Variants in OSBPL3 observed in about 807,000 individuals in gnomAD.
OSBPL3 encodes the protein oxysterol-binding protein-related protein 3.
Under a neutral mutation model 120.1 loss-of-function variants are expected in OSBPL3, and 65 were observed. The ratio of observed to expected loss-of-function variants is 0.54; its 90% CI spans 0.44 to 0.67. The LOEUF is 0.67. Ranked by LOEUF, OSBPL3 falls within the 30% of genes least tolerant of loss-of-function variation. The probability of loss-of-function intolerance (pLI) is 0.00; values close to 1 mark genes in which losing one functional copy is unlikely to be tolerated. For synonymous variants in OSBPL3, 416 were observed against 402.6 expected, an observed-to-expected ratio of 1.03 and a Z score of -0.40; for missense variants, 1,004 against 1,082.1, an observed-to-expected ratio of 0.93 and a Z score of 1.01.
At position 24,830,741 on chromosome 7, in the gene OSBPL3, A is replaced by T. The variant is rs1584280570; in HGVS notation, c.1884+27T>A. On this transcript the variant is annotated intron_variant, in intron 16 of 22. Coordinates refer to ENST00000313367, the MANE Select transcript of OSBPL3 (RefSeq NM_015550.4). The surrounding 1 kb of genome is among the most constrained non-coding windows in gnomAD (Gnocchi z 4.4). The stretch of plus-strand genomic sequence containing the variant: ...ATGGGAGACATAAGCAACCCCTCCC[A>T]ACAAGCAAAAAATGGTGTACATCTA... 4.4e-6 allele frequency: 7 copies of T among 1,586,960 alleles called. 1 individual carries two copies. In the Admixed American group the frequency reaches 1.3e-4, roughly 30 times the overall value.
Position 24,822,302 on chromosome 7 carries a change from T to C in OSBPL3, c.1885-2064A>G, listed in dbSNP as rs1041365482. Among the ~76,000 whole-genome samples the C allele has an allele frequency of 2.6e-5, 4 of 152,136 alleles. No individual in the cohort carries two copies. Among genetic ancestry groups the C allele is most frequent in the Admixed American group, 2.6e-4 (4 of 15,272 alleles). On this transcript the variant is annotated intron_variant, in intron 16 of 22. Transcript: ENST00000313367. The surrounding 1 kb of genome is among the most constrained non-coding windows in gnomAD (Gnocchi z 5.8). ...CTAGCTTTGAAACCATGGGATCATATAAAACAAAATCAAGGTGCAGTGGCA... is the reference window on the plus strand; with the variant it reads ...CTAGCTTTGAAACCATGGGATCATACAAAACAAAATCAAGGTGCAGTGGCA...
In OSBPL3 at chr7:24,834,666, G is replaced by A. The variant is rs752763523; in HGVS notation, c.1566C>T (p.Ser522=). Residue 522 remains serine, a synonymous_variant, in exon 15 of 23, where the codon AGC becomes AGT. Transcript: ENST00000313367. This position sits in a 1 kb window ranked among gnomAD's most constrained non-coding sequence, Gnocchi z 5.2. ...TGTTCCACAGGCTGATGTTACTGCT[G>A]CTCGGGCAGGGCGCCGGCAGGCACG... ...RRTCLPAPCP[S]SSNISLWNIL... is the part of the protein sequence containing the mutation. The A allele has an allele frequency of 8.1e-6, 13 of 1,614,030 alleles. No homozygotes were observed. Among genetic ancestry groups the A allele is most frequent in the Non-Finnish European group, 1.1e-5 (13 of 1,180,004 alleles).
At chr7:24,979,663 G>A (rs1386540357) in intron 1 of OSBPL3, among the ~76,000 whole-genome samples, 4 of 152,102 alleles carry the variant, frequency 2.6e-5, no homozygotes, top group Non-Finnish European at 4.4e-5. Context: ...AAGGTGTCCT[G>A]GGGTGGGTGA....
chr7:24,929,360 C>A (rs965022038), intron 1 of OSBPL3, among the ~76,000 whole-genome samples: 3 of 152,168 alleles, frequency 2.0e-5, no homozygotes, highest in African/African-American at 7.2e-5. Flanking sequence ...TAGTTGCTAA[C>A]GCCGTAAAGA....
intron 12 of OSBPL3, among the ~76,000 whole-genome samples, chr7:24,848,051 G>A (rs1310965537): frequency 1.3e-5 from 2 of 152,200 alleles, no homozygotes; most frequent in Non-Finnish European, 2.9e-5. Flanking sequence ...GGGAGTGGAT[G>A]GGCCTGTCCA....
At chr7:24,868,387 A>G (rs188360882) in intron 5 of OSBPL3, among the ~76,000 whole-genome samples, 32 of 150,468 alleles carry the variant, frequency 2.1e-4, no homozygotes, top group African/African-American at 5.9e-4. Flanking sequence ...GTGATGGTGT[A>G]TTGATATTTT....
At chr7:24,958,607 G>A (rs530716014) in intron 1 of OSBPL3, among the ~76,000 whole-genome samples, 158 of 152,248 alleles carry the variant, frequency 1.0e-3, no homozygotes, top group African/African-American at 3.4e-3. Flanking sequence ...TGCCTAGGGA[G>A]CATTTTTAAC....
At chr7:24,868,445 C>A (rs1801664386) in intron 5 of OSBPL3, among the ~76,000 whole-genome samples, 1 of 150,736 alleles carries the variant, frequency 6.6e-6, no homozygotes, top group Non-Finnish European at 1.5e-5. Context: ...CATATTAGGA[C>A]ACCGAGATTT....
At chr7:24,811,848 T>C (rs1009340995) in intron 19 of OSBPL3, among the ~76,000 whole-genome samples, 1 of 152,216 alleles carries the variant, frequency 6.6e-6, no homozygotes, top group African/African-American at 2.4e-5. Flanking sequence ...TTCTGTTCCA[T>C]TGGTCTATGT....
chr7:24,939,884 C>A lies in OSBPL3; in HGVS notation c.-150+40002G>T, dbSNP rs144856830. ...AGAGCATTAGGACAAATATCTAATG[C>A]ATGCAGGTCTTAAAACCTAGATGAT... On this transcript the variant is annotated intron_variant, in intron 1 of 22. Transcript: ENST00000313367. This position sits in a 1 kb window ranked among gnomAD's most constrained non-coding sequence, Gnocchi z 4.2. 1.2e-3 allele frequency among the ~76,000 whole-genome samples: 183 copies of A among 152,242 alleles called. No homozygotes were observed. The highest frequency in any genetic ancestry group is 3.6e-3 in the African/African-American group (151 of 41,532).
intron 5 of OSBPL3, among the ~76,000 whole-genome samples, chr7:24,870,316 G>A (rs1426617414): frequency 6.6e-6 from 1 of 152,196 alleles, no homozygotes; most frequent in Non-Finnish European, 1.5e-5. Context: ...GAGAATTTTA[G>A]TGGGATTCCT....
chr7:24,814,660 C>G (rs1794247432), intron 19 of OSBPL3, among the ~76,000 whole-genome samples: 1 of 152,100 alleles, frequency 6.6e-6, no homozygotes, highest in Admixed American at 6.6e-5. Context: ...CCTCCTGCAG[C>G]CCCGGGCGAC....
rs1244729588 is a variant in OSBPL3, at chr7:24,938,590, C to T, written c.-150+41296G>A. Among the ~76,000 whole-genome samples, 2 of 151,984 alleles carry T rather than the reference C, an allele frequency of 1.3e-5. No homozygotes were observed. The highest frequency in any genetic ancestry group is 2.9e-5 in the Non-Finnish European group (2 of 68,000). Reference sequence around the variant, plus strand: ...TCTAGTCATCACTCAAATTTGAAGGCCAGAAGAAGGAAAAGTTGAAGAGCA... The same window carrying T: ...TCTAGTCATCACTCAAATTTGAAGGTCAGAAGAAGGAAAAGTTGAAGAGCA... On this transcript the variant is annotated intron_variant, in intron 1 of 22. Coordinates refer to ENST00000313367, the MANE Select transcript of OSBPL3 (RefSeq NM_015550.4). This position sits in a 1 kb window ranked among gnomAD's most constrained non-coding sequence, Gnocchi z 5.8.
Position 24,816,654 on chromosome 7 carries a change from G to C in OSBPL3, c.1983C>G (p.Ser661=). The change falls in exon 18 of 23, where the codon TCC becomes TCG. Residue 661 remains serine (S), a synonymous_variant. Transcript: ENST00000313367. ...VRWKNKFWGK[S]MEIVPIGTTH... ...TTGTGCCAATTGGAACAATTTCCAT[G>C]GATTTGCCCCAGAATTTGTTTTTCC... 1.9e-6 allele frequency: 3 copies of C among 1,612,828 alleles called. No individual in the cohort carries two copies. Among genetic ancestry groups the C allele is most frequent in the Non-Finnish European group, 2.5e-6 (3 of 1,178,830 alleles).
rs577195803 is a variant in OSBPL3, at chr7:24,867,814, C to T, written c.382-1577G>A. 6.6e-6 allele frequency among the ~76,000 whole-genome samples: 1 copy of T among 152,254 alleles called. No homozygotes were observed. The highest frequency in any genetic ancestry group is 1.9e-4 in the East Asian group (1 of 5,190). On this transcript the variant is annotated intron_variant, in intron 5 of 22. Transcript: ENST00000313367. The surrounding 1 kb of genome is among the most constrained non-coding windows in gnomAD (Gnocchi z 4.5). The stretch of plus-strand genomic sequence containing the variant: ...CCACTCTCAGAAATAAAGCACTATA[C>T]AGCAATAGTATTATTTTTCTAACTT...
rs544601006 is a variant in OSBPL3 at position 24,841,084 on chromosome 7, G to A, written c.1402-301C>T. Among the ~76,000 whole-genome samples, 5 of 152,248 alleles carry A rather than the reference G, an allele frequency of 3.3e-5. No homozygotes were observed. In the South Asian group the frequency reaches 1.0e-3, roughly 32 times the overall value. Reference sequence around the variant, plus strand: ...GCATTTTTAGAATTTATTAGTGTTTGAGTAGAAGAAGTTACAATTTGTCTT... The same window carrying A: ...GCATTTTTAGAATTTATTAGTGTTTAAGTAGAAGAAGTTACAATTTGTCTT... On this transcript the variant is annotated intron_variant, in intron 13 of 22. Coordinates refer to ENST00000313367, the MANE Select transcript of OSBPL3 (RefSeq NM_015550.4).
At chr7:24,823,552 C>T (rs534515859) in intron 16 of OSBPL3, among the ~76,000 whole-genome samples, 4 of 152,166 alleles carry the variant, frequency 2.6e-5, no homozygotes, top group African/African-American at 7.2e-5. Context: ...ATCCAGGGCT[C>T]GTGTCCCTCC....
chr7:24,973,777 CTT>C (rs1374779799), intron 1 of OSBPL3, among the ~76,000 whole-genome samples: 3 of 152,166 alleles, frequency 2.0e-5, no homozygotes, highest in Non-Finnish European at 4.4e-5. Flanking sequence ...TTTCCCAATC[CTT>C]TCATACCAGA....
At position 24,834,693 on chromosome 7, in the gene OSBPL3, T is replaced by C; in HGVS notation, c.1539A>G (p.Arg513=). 2 of 1,613,834 alleles carry C rather than the reference T, an allele frequency of 1.2e-6. No individual in the cohort carries two copies. Among genetic ancestry groups the C allele is most frequent in the African/African-American group, 1.3e-5 (1 of 75,060 alleles). ...TCGGGCAGGGCGCCGGCAGGCACGT[T>C]CTTCTCCGGGACTTCGCTTCCCGAC... The part of the protein sequence containing the change: ...DSGREAKSRR[R]TCLPAPCPSS... Residue 513 remains arginine (R), a synonymous_variant, in exon 15 of 23, where the codon AGA becomes AGG. Coordinates refer to ENST00000313367, the MANE Select transcript of OSBPL3 (RefSeq NM_015550.4). The surrounding 1 kb of genome is among the most constrained non-coding windows in gnomAD (Gnocchi z 5.2).
Sources: gnomAD v4.1 joint callset for allele counts (sites outside exome capture counted in the v4.1 genomes callset) on GRCh38, gnomAD v4.1.1 for gene constraint, Gnocchi (gnomAD v3.1) non-coding constraint, MANE v1.5 for transcripts, NCBI Gene and HGNC (gene_info 2026-07-23, HGNC 2026-07-21) for gene names.